The following ABCA1 variants were observed in gnomAD, a reference collection of about 807,000 sequenced individuals.
ABCA1 encodes the protein phospholipid-transporting ATPase ABCA1.
A neutral mutation model predicts 262.5 loss-of-function variants in ABCA1; 133 were observed. That is an observed-to-expected ratio of 0.51 (90% CI 0.44 to 0.59). The LOEUF is 0.59. ABCA1 is among the 20% of genes least tolerant of loss of function. The pLI, the probability that ABCA1 is intolerant of heterozygous loss-of-function variation, is 0.00. For missense variants in ABCA1, 2,452 were observed against 2,777.5 expected, an observed-to-expected ratio of 0.88 and a Z score of 2.63; for synonymous variants, 1,022 against 1,043.5, an observed-to-expected ratio of 0.98 and a Z score of 0.40.
chr9:104,798,106 A>G (rs1184606784), intron 37 of ABCA1, among the ~76,000 whole-genome samples: 1 of 152,238 alleles, frequency 6.6e-6, no homozygotes, highest in Non-Finnish European at 1.5e-5. Flanking sequence ...CAGAGAAGTT[A>G]GAGGCATTGA....
chr9:104,875,660 T>TAA (rs35543524), intron 5 of ABCA1, among the ~76,000 whole-genome samples: 11 of 148,376 alleles, frequency 7.4e-5, no homozygotes, highest in African/African-American at 2.5e-5. Context: ...TCCACAACCT[T>TAA]AAAAAAAAAA....
At chr9:104,818,508 A>G (rs1831981625) in intron 23 of ABCA1, among the ~76,000 whole-genome samples, 155 bp downstream of exon 23, 1 of 152,216 alleles carries the variant, frequency 6.6e-6, no homozygotes, top group Non-Finnish European at 1.5e-5. Context: ...TTAGCTTTCC[A>G]TGCCTTAAGT....
Position 104,782,791 on chromosome 9 carries a change from A to G in ABCA1, c.*1524T>C, listed in dbSNP as rs1828617621. The G allele has an allele frequency of 6.6e-6, 1 of 152,072 alleles. No homozygotes were observed. Among genetic ancestry groups the G allele is most frequent in the South Asian group, 2.1e-4 (1 of 4,810 alleles). The allele number at this position is 152,072 out of a possible 1,614,324, so 9.4% of individuals were successfully genotyped here. ...AAGCTAGCTGTTTTCCCTGTTGAAGAATTCATTGTTTAGACTTGTGACCCT... is the reference window on the plus strand; with the variant it reads ...AAGCTAGCTGTTTTCCCTGTTGAAGGATTCATTGTTTAGACTTGTGACCCT... On this transcript the variant is annotated 3_prime_UTR_variant, in exon 50 of 50. Transcript: ENST00000374736.
chr9:104,840,587 G>A, intron 8 of ABCA1, 68 bp from the exon 9 acceptor site: 2 of 1,445,784 alleles, frequency 1.4e-6, no homozygotes, highest in Non-Finnish European at 1.9e-6. Flanking sequence ...AAGGGTTGGG[G>A]ATGAGAAGAG....
At chr9:104,896,510 A>G (rs1169821175) in intron 2 of ABCA1, among the ~76,000 whole-genome samples, 3 of 152,060 alleles carry the variant, frequency 2.0e-5, no homozygotes, top group Non-Finnish European at 4.4e-5. Context: ...TTGATAAGGT[A>G]ATAACATTCA....
chr9:104,839,282 G>A (rs1236579941), intron 9 of ABCA1, among the ~76,000 whole-genome samples: 4 of 152,142 alleles, frequency 2.6e-5, no homozygotes, highest in Non-Finnish European at 5.9e-5. Flanking sequence ...GTCTGAGTGT[G>A]AGAACACACA....
At chr9:104,857,051 T>C (rs1477109510) in intron 7 of ABCA1, among the ~76,000 whole-genome samples, 1 of 152,064 alleles carries the variant, frequency 6.6e-6, no homozygotes, top group Non-Finnish European at 1.5e-5. Flanking sequence ...ATGCCTTTAA[T>C]CCCAACACTT....
intron 27 of ABCA1, among the ~76,000 whole-genome samples, chr9:104,813,737 A>AATTAAC (rs1159085244): frequency 6.6e-6 from 1 of 152,216 alleles, no homozygotes; most frequent in East Asian, 1.9e-4. Context: ...CTTAGGGTAC[A>AATTAAC]ATTAACTCTA....
chr9:104,895,970 G>A (rs1483886226), intron 2 of ABCA1, among the ~76,000 whole-genome samples: 1 of 152,148 alleles, frequency 6.6e-6, no homozygotes, highest in Admixed American at 6.5e-5. Flanking sequence ...TGCACTCCGC[G>A]CTGAAAAATG....
At chr9:104,874,452 C>G (rs1446214100) in intron 5 of ABCA1, among the ~76,000 whole-genome samples, 3 of 152,166 alleles carry the variant, frequency 2.0e-5, no homozygotes, top group Admixed American at 6.5e-5. Context: ...GTAATCCCAG[C>G]TATTCGGGAG....
At chr9:104,850,794 T>G (rs1359498172) in intron 7 of ABCA1, among the ~76,000 whole-genome samples, 1 of 152,238 alleles carries the variant, frequency 6.6e-6, no homozygotes, top group Non-Finnish European at 1.5e-5. Flanking sequence ...TTCCTACTAT[T>G]ATTTTTCTAA....
rs1216233140 is a variant in ABCA1, at chr9:104,800,595, C to A, written c.4699-11G>T. 2 of 1,613,986 alleles carry A rather than the reference C, an allele frequency of 1.2e-6. No individual in the cohort carries two copies. The highest frequency in any genetic ancestry group is 1.7e-6 in the Non-Finnish European group (2 of 1,179,824). The stretch of plus-strand genomic sequence containing the variant: ...ATCTGCAGAACTGTCCTGTAAACAA[C>A]AGAAACCTGCCTCAGTTGTGACTGT... On this transcript the variant is annotated splice_polypyrimidine_tract_variant and intron_variant, in intron 34 of 49. Transcript: ENST00000374736.
At position 104,821,440 on chromosome 9, in the gene ABCA1, G is replaced by A. The variant is rs1832337802; in HGVS notation, c.2895C>T (p.Arg965=). ...GTAYILGKDI[R]SEMSTIRQNL... is the part of the protein sequence containing the mutation. ...TCTGCCGGATGGTGCTCATCTCAGAGCGAATGTCTTTTCCCAGGATGTAGG... is the reference window on the plus strand; with the variant it reads ...TCTGCCGGATGGTGCTCATCTCAGAACGAATGTCTTTTCCCAGGATGTAGG... Residue 965 remains arginine (R), a synonymous_variant, in exon 20 of 50, where the codon CGC becomes CGT. Coordinates refer to ENST00000374736, the MANE Select transcript of ABCA1 (RefSeq NM_005502.4). 1 of 1,614,008 alleles carries A rather than the reference G, an allele frequency of 6.2e-7. No homozygotes were observed. The highest frequency in any genetic ancestry group is 8.5e-7 in the Non-Finnish European group (1 of 1,180,046).
rs754363880 is a variant in ABCA1 at position 104,818,660 on chromosome 9, C to T, written c.3462+3G>A. On this transcript the variant is annotated splice_donor_region_variant and intron_variant, in intron 23 of 49. Coordinates refer to ENST00000374736, the MANE Select transcript of ABCA1 (RefSeq NM_005502.4). ...CCAGCCCAGCACCAAGACTGCAGCT[C>T]ACCTTTTTCAGGTATGACACAGTGC... 1 of 1,612,706 alleles carries T rather than the reference C, an allele frequency of 6.2e-7. No homozygotes were observed. Among genetic ancestry groups the T allele is most frequent in the South Asian group, 1.1e-5 (1 of 91,010 alleles).
chr9:104,837,648 G>A (rs1833943591), intron 9 of ABCA1, 81 bp from the exon 10 acceptor site: 1 of 1,546,440 alleles, frequency 6.5e-7, no homozygotes, highest in African/African-American at 1.4e-5. Flanking sequence ...GAGCCAGAGA[G>A]TTCTTAGTTG....
chr9:104,842,117 A>T (rs932976058), intron 8 of ABCA1, among the ~76,000 whole-genome samples: 12 of 152,222 alleles, frequency 7.9e-5, no homozygotes, highest in East Asian at 7.8e-4. Flanking sequence ...TCTAGGTCCT[A>T]AGCTTTGCCT....
chr9:104,866,302 C>A (rs1362976106), intron 5 of ABCA1, among the ~76,000 whole-genome samples: 2 of 152,018 alleles, frequency 1.3e-5, no homozygotes, highest in Admixed American at 1.3e-4. Flanking sequence ...TCAGTCTTCT[C>A]CCCTATGTTG....
chr9:104,837,228 C>A lies in ABCA1; in HGVS notation c.1195-132G>T, dbSNP rs1052740583. 3.8e-6 allele frequency: 4 copies of A among 1,047,248 alleles called. No individual in the cohort carries two copies. In the Admixed American group the frequency reaches 6.1e-5, roughly 16 times the overall value. 64.9% of individuals were successfully genotyped at this position (1,047,248 alleles called of 1,614,324 possible). ...CAGTCCTCCCCATCCCCAAGAAATG[C>A]CTGCTTGTAACTATGATTCTATACC... On this transcript the variant is annotated intron_variant, in intron 10 of 49. Coordinates refer to ENST00000374736, the MANE Select transcript of ABCA1 (RefSeq NM_005502.4).
intron 5 of ABCA1, among the ~76,000 whole-genome samples, chr9:104,862,648 CCG>C (rs1564198052): frequency 0.055 from 239 of 4,312 alleles, 44 homozygotes; most frequent in Non-Finnish European, 0.089. Flanking sequence ...CCGGGCCGGG[CCG>C]GGCCGGGCCG....
Sources: gnomAD v4.1 joint callset for allele counts (sites outside exome capture counted in the v4.1 genomes callset) on GRCh38, gnomAD v4.1.1 for gene constraint, MANE v1.5 for transcripts, NCBI Gene and HGNC (gene_info 2026-07-23, HGNC 2026-07-21) for gene names.